CACNB3: variants seen among roughly 807,000 people sequenced by gnomAD.
CACNB3 encodes the protein voltage-dependent L-type calcium channel subunit beta-3.
A neutral mutation model predicts 63.7 loss-of-function variants in CACNB3; 36 were observed. The ratio of observed to expected loss-of-function variants is 0.57; its 90% CI spans 0.43 to 0.75. The LOEUF is 0.75. Ranked by LOEUF, CACNB3 falls within the 30% of genes least tolerant of loss-of-function variation. CACNB3 has a pLI of 0.00. For missense variants in CACNB3, 493 were observed against 648.6 expected (o/e 0.76, Z 2.61); for synonymous variants, 241 against 250.6 (o/e 0.96, Z 0.36).
chr12:48,823,256 A>T lies in CACNB3; in HGVS notation c.46-88A>T, dbSNP rs546838230. On this transcript the variant is annotated intron_variant, in intron 1 of 12. Transcript: ENST00000301050. This position sits in a 1 kb window ranked among gnomAD's most constrained non-coding sequence, Gnocchi z 4.2. Reference sequence around the variant, plus strand: ...CTTGGAGATGGAGAAACTGGGGGCAATAGAGGCAACACTGTAAGGTGAGGA... The same window carrying T: ...CTTGGAGATGGAGAAACTGGGGGCATTAGAGGCAACACTGTAAGGTGAGGA... The T allele has an allele frequency of 9.9e-6, 15 of 1,509,080 alleles. No individual in the cohort carries two copies. The highest frequency in any genetic ancestry group is 2.0e-5 in the Admixed American group (1 of 50,694). 93.5% of individuals were successfully genotyped at this position (1,509,080 alleles called of 1,614,324 possible). A position where few individuals can be genotyped will look rare whatever the true frequency, so the allele number is the denominator to read the frequency against.
Position 48,823,248 on chromosome 12 carries a change from T to G in CACNB3, c.46-96T>G, listed in dbSNP as rs1032253896. On this transcript the variant is annotated intron_variant, in intron 1 of 12. Coordinates refer to ENST00000301050, the MANE Select transcript of CACNB3 (RefSeq NM_000725.4). This position sits in a 1 kb window ranked among gnomAD's most constrained non-coding sequence, Gnocchi z 4.2. ...GCTATCCCCTTGGAGATGGAGAAAC[T>G]GGGGGCAATAGAGGCAACACTGTAA... 4.8e-6 allele frequency: 7 copies of G among 1,472,410 alleles called. No homozygotes were observed. Among genetic ancestry groups the G allele is most frequent in the Admixed American group, 2.0e-5 (1 of 49,024 alleles). 91.2% of individuals were successfully genotyped at this position (1,472,410 alleles called of 1,614,324 possible). A position where few individuals can be genotyped will look rare whatever the true frequency, so the allele number is the denominator to read the frequency against.
At position 48,825,693 on chromosome 12, in the gene CACNB3, C is replaced by T; in HGVS notation, c.666C>T (p.Ser222=). 1.2e-6 allele frequency: 2 copies of T among 1,614,186 alleles called. No homozygotes were observed. Among genetic ancestry groups the T allele is most frequent in the Non-Finnish European group, 1.7e-6 (2 of 1,180,026 alleles). The change falls in exon 9 of 13, where the codon TCC becomes TCT. Residue 222 remains serine (S), a synonymous_variant. Coordinates refer to ENST00000301050, the MANE Select transcript of CACNB3 (RefSeq NM_000725.4). The surrounding 1 kb of genome is among the most constrained non-coding windows in gnomAD (Gnocchi z 4.5). ...TCACCCGAGTCACAGCCGACCTCTC[C>T]CTGGCAAAGCGATCTGTGCTCAACA... ...ISITRVTADL[S]LAKRSVLNNP...
Position 48,825,876 on chromosome 12 carries a change from T to C in CACNB3, c.742+107T>C, listed in dbSNP as rs1168571584. Reference sequence around the variant, plus strand: ...TGGAGTCTCGCTCTGTCACCTAGGCTGGAGTGCAGTGGTGAGATCTCGGCT... The same window carrying C: ...TGGAGTCTCGCTCTGTCACCTAGGCCGGAGTGCAGTGGTGAGATCTCGGCT... On this transcript the variant is annotated intron_variant, in intron 9 of 12. Coordinates refer to ENST00000301050, the MANE Select transcript of CACNB3 (RefSeq NM_000725.4). This position sits in a 1 kb window ranked among gnomAD's most constrained non-coding sequence, Gnocchi z 4.5. 1 of 725,648 alleles carries C rather than the reference T, an allele frequency of 1.4e-6. No individual in the cohort carries two copies. Among genetic ancestry groups the C allele is most frequent in the East Asian group, 2.7e-5 (1 of 36,680 alleles). The allele number at this position is 725,648 out of a possible 1,614,324, so 45.0% of individuals were successfully genotyped here.
chr12:48,828,735 C>T lies in CACNB3; in HGVS notation c.*836C>T, dbSNP rs78903993. The stretch of plus-strand genomic sequence containing the variant: ...GTCATTTCTGTTCTTGTCCCTCATA[C>T]ATCTTTGGAGAACCGGGCTCCAGAC... On this transcript the variant is annotated 3_prime_UTR_variant, in exon 13 of 13. Coordinates refer to ENST00000301050, the MANE Select transcript of CACNB3 (RefSeq NM_000725.4). 806 of 456,528 alleles carry T rather than the reference C, an allele frequency of 1.8e-3. 5 individuals carry two copies. The highest frequency in any genetic ancestry group is 0.014 in the African/African-American group (720 of 50,198). The allele number at this position is 456,528 out of a possible 1,614,324, so 28.3% of individuals were successfully genotyped here.
At chr12:48,815,770 C>T (rs1435683306), upstream of CACNB3, 3 of 1,186,032 alleles carry the variant, frequency 2.5e-6, no homozygotes, top group Middle Eastern at 1.9e-4. Flanking sequence ...AGGGGGTTCC[C>T]CACTGGGTGG....
chr12:48,824,685 T>A lies in CACNB3; in HGVS notation c.424T>A (p.Ser142Thr). The change falls in exon 5 of 13, where the codon TCC becomes ACC. Residue 142 changes from serine (S) to threonine (T), a missense_variant. By Grantham distance (58) the Ser-to-Thr change is moderately conservative. Transcript: ENST00000301050. ...TCTTCTCAGGAGATCTGGGAACCCT[T>A]CCAGCCTGAGTGACATTGGCAACCG... ...EQKARRSGNP[S>T]SLSDIGNRRS... The A allele has an allele frequency of 6.2e-7, 1 of 1,613,732 alleles. No homozygotes were observed. The highest frequency in any genetic ancestry group is 8.5e-7 in the Non-Finnish European group (1 of 1,179,914).
chr12:48,825,286 C>A lies in CACNB3; in HGVS notation c.573+43C>A. The stretch of plus-strand genomic sequence containing the variant: ...ACCCCAAAGAGTCACCTCTACCAAG[C>A]CTGCCACAGGAAGTCCCTAGGGAAA... On this transcript the variant is annotated intron_variant, in intron 7 of 12. Coordinates refer to ENST00000301050, the MANE Select transcript of CACNB3 (RefSeq NM_000725.4). This position sits in a 1 kb window ranked among gnomAD's most constrained non-coding sequence, Gnocchi z 4.5. 1 of 1,595,678 alleles carries A rather than the reference C, an allele frequency of 6.3e-7. No homozygotes were observed. Among genetic ancestry groups the A allele is most frequent in the Non-Finnish European group, 8.6e-7 (1 of 1,164,518 alleles).
In CACNB3 at chr12:48,826,109, A is replaced by G. The variant is rs1044345296; in HGVS notation, c.743-258A>G. 1.0e-4 allele frequency: 57 copies of G among 565,132 alleles called. No individual in the cohort carries two copies. The highest frequency in any genetic ancestry group is 8.3e-4 in the African/African-American group (44 of 53,216). 35.0% of individuals were successfully genotyped at this position (565,132 alleles called of 1,614,324 possible). ...CTCTCAAAATGCTGGGATTACAGGCATGAGCCACCATGCCTGGCCCCTCTT... is the reference window on the plus strand; with the variant it reads ...CTCTCAAAATGCTGGGATTACAGGCGTGAGCCACCATGCCTGGCCCCTCTT... On this transcript the variant is annotated intron_variant, in intron 9 of 12. Coordinates refer to ENST00000301050, the MANE Select transcript of CACNB3 (RefSeq NM_000725.4). The surrounding 1 kb of genome is among the most constrained non-coding windows in gnomAD (Gnocchi z 4.8).
At position 48,823,856 on chromosome 12, in the gene CACNB3, C is replaced by A; in HGVS notation, c.291+53C>A. ...CTCTAACTTCATTTTCTTGCTCTTG[C>A]TCCAGATCCTAATGCTTCTGACTTG... On this transcript the variant is annotated intron_variant, in intron 3 of 12. Transcript: ENST00000301050. The surrounding 1 kb of genome is among the most constrained non-coding windows in gnomAD (Gnocchi z 4.2). 6.2e-7 allele frequency: 1 copy of A among 1,609,510 alleles called. No homozygotes were observed. The highest frequency in any genetic ancestry group is 8.5e-7 in the Non-Finnish European group (1 of 1,177,486).
chr12:48,827,621 TC>T lies in CACNB3; in HGVS notation c.1183del (p.Glu396SerfsTer5). 2 of 1,613,030 alleles carry T rather than the reference TC, an allele frequency of 1.2e-6. No homozygotes were observed. The highest frequency in any genetic ancestry group is 8.5e-7 in the Non-Finnish European group (1 of 1,179,808). On this transcript the variant is annotated frameshift_variant, in exon 13 of 13. Coordinates refer to ENST00000301050, the MANE Select transcript of CACNB3 (RefSeq NM_000725.4). LOFTEE classifies it high-confidence loss of function. ...GCTGGGGGAGCGTGGCGAGGAGCAC[TC>T]CCCCCTTGAGCGGGACAGCTTGATG... Reference protein sequence around the residue: ...QLLGERGEEHSPLERDSLMPS... With the variant: ...QLLGERGEEHXPLERDSLMPS...
chr12:48,827,023 A>G lies in CACNB3; in HGVS notation c.1040A>G (p.Glu347Gly). 6.2e-7 allele frequency: 1 copy of G among 1,614,060 alleles called. No homozygotes were observed. Among genetic ancestry groups the G allele is most frequent in the South Asian group, 1.1e-5 (1 of 91,072 alleles). Reference sequence around the variant, plus strand: ...GAGAACCAGCTGGAGGATGCCTGTGAGCACCTGGCTGAGTACCTGGAGGTT... The same window carrying G: ...GAGAACCAGCTGGAGGATGCCTGTGGGCACCTGGCTGAGTACCTGGAGGTT... ...LDENQLEDAC[E>G]HLAEYLEVYW... The change falls in exon 12 of 13, where the codon GAG (glutamate) becomes GGG (glycine). Residue 347 changes from glutamate (E) to glycine (G), a missense_variant. By Grantham distance (98) the Glu-to-Gly change is moderately conservative. Coordinates refer to ENST00000301050, the MANE Select transcript of CACNB3 (RefSeq NM_000725.4).
rs904437793 is a variant in CACNB3, at chr12:48,826,111, G to A, written c.743-256G>A. On this transcript the variant is annotated intron_variant, in intron 9 of 12. Coordinates refer to ENST00000301050, the MANE Select transcript of CACNB3 (RefSeq NM_000725.4). The surrounding 1 kb of genome is among the most constrained non-coding windows in gnomAD (Gnocchi z 4.8). ...CTCAAAATGCTGGGATTACAGGCAT[G>A]AGCCACCATGCCTGGCCCCTCTTCC... is the stretch of plus-strand genomic sequence containing the variant. 3 of 567,568 alleles carry A rather than the reference G, an allele frequency of 5.3e-6. No individual in the cohort carries two copies. In the East Asian group the frequency reaches 8.9e-5, roughly 17 times the overall value. The allele number at this position is 567,568 out of a possible 1,614,324, so 35.2% of individuals were successfully genotyped here.
chr12:48,815,680 C>G, upstream of CACNB3: 2 of 1,509,368 alleles, frequency 1.3e-6, no homozygotes, highest in Non-Finnish European at 1.8e-6. Context: ...GGCCGCTAGC[C>G]TGGTCTATGT....
In CACNB3 at chr12:48,825,491, A is replaced by G. The variant is rs1198495303; in HGVS notation, c.631A>G (p.Arg211Gly). 4 of 1,614,048 alleles carry G rather than the reference A, an allele frequency of 2.5e-6. No individual in the cohort carries two copies. Among genetic ancestry groups the G allele is most frequent in the Non-Finnish European group, 3.4e-6 (4 of 1,180,012 alleles). The change falls in exon 8 of 13, where the codon AGG becomes GGG. Residue 211 changes from arginine to glycine, a missense_variant and splice_region_variant. Coordinates refer to ENST00000301050, the MANE Select transcript of CACNB3 (RefSeq NM_000725.4). This position sits in a 1 kb window ranked among gnomAD's most constrained non-coding sequence, Gnocchi z 4.5. ...FDFLKHRFDG[R>G]ISITRVTADL... ...CTTCCTCAAACACAGATTTGATGGC[A>G]GGTAAGCTGCCCTGGCCTGAGGTGG...
chr12:48,824,739 C>G lies in CACNB3; in HGVS notation c.472+6C>G. 6.2e-7 allele frequency: 1 copy of G among 1,613,538 alleles called. No homozygotes were observed. Among genetic ancestry groups the G allele is most frequent in the Non-Finnish European group, 8.5e-7 (1 of 1,179,806 alleles). On this transcript the variant is annotated splice_donor_region_variant and intron_variant, in intron 5 of 12. Transcript: ENST00000301050. ...CTCCCCTCCGCCATCTCTAGGTAGC[C>G]TCCCCCCAACCCACCCATTTTGGGT...
At chr12:48,824,546 ATGTACACC>A in intron 4 of CACNB3, 115 bp from the exon 5 acceptor site, 1 of 1,090,872 alleles carries the variant, frequency 9.2e-7, no homozygotes, top group South Asian at 1.5e-5. Flanking sequence ...CACATATTGC[ATGTACACC>A]TGTCTCACTA....
Position 48,828,910 on chromosome 12 carries a change from AC to A in CACNB3, c.*1012del. The A allele has an allele frequency of 2.7e-6, 1 of 371,282 alleles. No individual in the cohort carries two copies. Among genetic ancestry groups the A allele is most frequent in the South Asian group, 2.0e-5 (1 of 50,222 alleles). The allele number at this position is 371,282 out of a possible 1,614,324, so 23.0% of individuals were successfully genotyped here. On this transcript the variant is annotated 3_prime_UTR_variant, in exon 13 of 13. Coordinates refer to ENST00000301050, the MANE Select transcript of CACNB3 (RefSeq NM_000725.4). ...GCTCCACAAGCCCCTGCCTCACCTC[AC>A]TGTCATCACTAATAAACATCATGCA...
rs913980266 is a variant in CACNB3, at chr12:48,828,423, G to A, written c.*524G>A. 2.7e-5 allele frequency: 9 copies of A among 336,192 alleles called. No individual in the cohort carries two copies. The Admixed American group carries it at 2.7e-4, about 10-fold the overall frequency. The allele number at this position is 336,192 out of a possible 1,614,324, so 20.8% of individuals were successfully genotyped here. A position where few individuals can be genotyped will look rare whatever the true frequency, so the allele number is the denominator to read the frequency against. On this transcript the variant is annotated 3_prime_UTR_variant, in exon 13 of 13. Coordinates refer to ENST00000301050, the MANE Select transcript of CACNB3 (RefSeq NM_000725.4). Reference sequence around the variant, plus strand: ...AGACAATCAAAGCCCCCCCAGGGTGGCACACCCATCTGTTTGCTGGGGTGT... The same window carrying A: ...AGACAATCAAAGCCCCCCCAGGGTGACACACCCATCTGTTTGCTGGGGTGT...
chr12:48,815,507 GGAGGGAGGAGAAA>G (rs1230755615), upstream of CACNB3: 3 of 1,404,676 alleles, frequency 2.1e-6, no homozygotes, highest in African/African-American at 2.9e-5. Flanking sequence ...GAGGGAGGGA[GGAGGGAGGAGAAA>G]GAGGGAGGGA....
Sources: gnomAD v4.1 joint callset for allele counts on GRCh38, gnomAD v4.1.1 for gene constraint, Gnocchi (gnomAD v3.1) non-coding constraint, MANE v1.5 for transcripts, NCBI Gene and HGNC (gene_info 2026-07-23, HGNC 2026-07-21) for gene names.